The following PDE4D variants were observed in gnomAD, a reference collection of about 807,000 sequenced individuals.
The protein encoded by PDE4D is 3',5'-cyclic-AMP phosphodiesterase 4D.
PDE4D carries 24 observed loss-of-function variants against 87.4 expected under a neutral mutation model. That is an observed-to-expected ratio of 0.27 (90% CI 0.20 to 0.39). PDE4D has a LOEUF of 0.39. Among genes scored for constraint, PDE4D ranks in the 10% least tolerant of loss-of-function variants. The pLI is 1.00. For missense variants in PDE4D, 714 were observed against 1,041.0 expected (o/e 0.69, Z 4.32); for synonymous variants, 384 against 383.2 (o/e 1.00, Z -0.02).
At chr5:59,553,444 C>CTT (rs2153688691) in intron 1 of PDE4D, among the ~76,000 whole-genome samples, 1 of 152,298 alleles carries the variant, frequency 6.6e-6, no homozygotes, top group African/African-American at 2.4e-5. Context: ...TAACTTTTCA[C>CTT]TTTTAACTTT....
At chr5:59,324,445 G>A (rs1775287286) in intron 1 of PDE4D, among the ~76,000 whole-genome samples, 1 of 152,154 alleles carries the variant, frequency 6.6e-6, no homozygotes. Context: ...GATTTCCAAG[G>A]CAGTGATTTG....
chr5:59,119,006 T>C (rs184559533), intron 5 of PDE4D, among the ~76,000 whole-genome samples: 16 of 152,086 alleles, frequency 1.1e-4, no homozygotes, highest in Admixed American at 2.6e-4. Flanking sequence ...AGAAAAGATA[T>C]AAAAGTAAAG....
chr5:59,934,232 G>T (rs1836542), intron 3 of PDE4D, among the ~76,000 whole-genome samples: 1 of 151,886 alleles, frequency 6.6e-6, no homozygotes, highest in East Asian at 1.9e-4. Context: ...CTCTCAAAGC[G>T]CTGGAAAGTT....
intron 1 of PDE4D, among the ~76,000 whole-genome samples, chr5:60,406,077 C>A (rs764773899): frequency 3.3e-5 from 5 of 151,828 alleles, no homozygotes; most frequent in Non-Finnish European, 5.9e-5. Context: ...CATTTCCATT[C>A]TCATCATTGG....
intron 1 of PDE4D, among the ~76,000 whole-genome samples, chr5:59,828,479 A>G (rs1189694964): frequency 6.6e-6 from 1 of 152,062 alleles, no homozygotes; most frequent in Non-Finnish European, 1.5e-5. Flanking sequence ...TATAGAAGGC[A>G]GACCCTTATT....
chr5:59,305,570 C>A (rs113315637), intron 1 of PDE4D, among the ~76,000 whole-genome samples: 2 of 152,066 alleles, frequency 1.3e-5, no homozygotes, highest in Non-Finnish European at 2.9e-5. Flanking sequence ...ACCACCTTTG[C>A]TGTATCCCAG....
intron 1 of PDE4D, among the ~76,000 whole-genome samples, chr5:59,288,105 T>C (rs1767333510): frequency 6.6e-6 from 1 of 151,820 alleles, no homozygotes; most frequent in Non-Finnish European, 1.5e-5. Flanking sequence ...AAACATGACA[T>C]CACCAAACAA....
intron 1 of PDE4D, among the ~76,000 whole-genome samples, chr5:60,470,045 G>A (rs1178987740): frequency 6.6e-6 from 1 of 152,190 alleles, no homozygotes; most frequent in Non-Finnish European, 1.5e-5. Flanking sequence ...GCCAAGGTGT[G>A]AATGTAAGAG....
intron 1 of PDE4D, among the ~76,000 whole-genome samples, chr5:59,650,821 T>C (rs919520140): frequency 3.9e-5 from 6 of 152,130 alleles, no homozygotes; most frequent in African/African-American, 1.4e-4. Flanking sequence ...GATGTTTTTG[T>C]GGTTGCCTCA....
intron 1 of PDE4D, among the ~76,000 whole-genome samples, chr5:59,526,136 A>G (rs1383174094): frequency 6.6e-6 from 1 of 152,208 alleles, no homozygotes; most frequent in East Asian, 1.9e-4. Flanking sequence ...CTCACTAGAT[A>G]AACATTCTGA....
chr5:59,897,159 A>C (rs1751746627), upstream of PDE4D, among the ~76,000 whole-genome samples: 1 of 152,224 alleles, frequency 6.6e-6, no homozygotes, highest in Non-Finnish European at 1.5e-5. Flanking sequence ...ACAAACTTAA[A>C]TAAGCAGTTA....
intron 2 of PDE4D, among the ~76,000 whole-genome samples, chr5:60,020,880 A>G (rs563293319): frequency 7.2e-4 from 109 of 152,330 alleles, no homozygotes; most frequent in Middle Eastern, 3.4e-3. Flanking sequence ...TCTCTCTCCC[A>G]TCCTAGACAT....
upstream of PDE4D, among the ~76,000 whole-genome samples, chr5:59,894,473 C>T (rs1161639441): frequency 6.6e-6 from 1 of 152,194 alleles, no homozygotes; most frequent in Non-Finnish European, 1.5e-5. Flanking sequence ...TTGTGTGGCT[C>T]TTTCCCACAG....
chr5:60,173,618 T>C (rs745830492), intron 2 of PDE4D, among the ~76,000 whole-genome samples: 1 of 152,046 alleles, frequency 6.6e-6, no homozygotes, highest in Non-Finnish European at 1.5e-5. Flanking sequence ...TTAAAGGCTA[T>C]CTTAAACTGT....
intron 1 of PDE4D, among the ~76,000 whole-genome samples, chr5:59,379,430 A>G (rs2153601976): frequency 6.6e-6 from 1 of 152,234 alleles, no homozygotes; most frequent in Non-Finnish European, 1.5e-5. Flanking sequence ...TTTAAAAATC[A>G]TCTATACCGA....
intron 2 of PDE4D, among the ~76,000 whole-genome samples, chr5:60,175,282 C>T (rs979413808): frequency 1.3e-5 from 2 of 151,982 alleles, no homozygotes; most frequent in African/African-American, 2.4e-5. Flanking sequence ...TTTGATTTTT[C>T]TTAGTTTCCA....
chr5:59,025,816 TATG>T (rs1756113767), intron 6 of PDE4D, among the ~76,000 whole-genome samples: 1 of 152,250 alleles, frequency 6.6e-6, no homozygotes, highest in Non-Finnish European at 1.5e-5. Flanking sequence ...GCCTCTTTGC[TATG>T]GACACATCCC....
rs140760069 is a variant in PDE4D, at chr5:59,115,288, G to A, written c.808+65307C>T. ...ATACTCAGTTGTCCAGACAGGATGC[G>A]CTCAGTGTTTCCAAAGATGGGTTGA... On this transcript the variant is annotated intron_variant, in intron 5 of 14. Transcript: ENST00000340635. Among the ~76,000 whole-genome samples, 526 of 152,256 alleles carry A rather than the reference G, an allele frequency of 3.5e-3. 14 individuals carry two copies. The highest frequency in any genetic ancestry group is 5.4e-3 in the East Asian group (28 of 5,190).
At chr5:59,392,414 T>C (rs1166775901) in intron 1 of PDE4D, among the ~76,000 whole-genome samples, 1 of 151,900 alleles carries the variant, frequency 6.6e-6, no homozygotes, top group African/African-American at 2.4e-5. Flanking sequence ...CTCTCCTTGC[T>C]TCTCAGCCTA....
Sources: gnomAD v4.1 joint callset for allele counts (sites outside exome capture counted in the v4.1 genomes callset) on GRCh38, gnomAD v4.1.1 for gene constraint, MANE v1.5 for transcripts, NCBI Gene and HGNC (gene_info 2026-07-23, HGNC 2026-07-21) for gene names.